TBC1D22A: variants seen among roughly 807,000 people sequenced by gnomAD.
TBC1D22A encodes the protein putative GTPase activator.
In TBC1D22A, 38 loss-of-function variants were observed where a neutral mutation model predicts 60.2. The ratio of observed to expected loss-of-function variants is 0.63; its 90% CI spans 0.49 to 0.83. TBC1D22A has a LOEUF of 0.83. Among genes scored for constraint, TBC1D22A ranks in the 40% least tolerant of loss-of-function variants. The pLI, the probability that TBC1D22A is intolerant of heterozygous loss-of-function variation, is 0.00. For missense variants in TBC1D22A, 628 were observed against 701.0 expected, an observed-to-expected ratio of 0.90 and a Z score of 1.18; for synonymous variants, 302 against 281.7, an observed-to-expected ratio of 1.07 and a Z score of -0.72.
rs762431913 is a variant in TBC1D22A, at chr22:46,912,128, G to A, written c.955G>A (p.Val319Ile). ...WAIRHPASGYVQGINDLVTPF... is the reference protein window; with the variant it reads ...WAIRHPASGYIQGINDLVTPF... ...GATCCGCCACCCAGCCAGTGGATAC[G>A]TTCAGGGTATAAATGATCTCGTCAC... Residue 319 changes from valine to isoleucine, a missense_variant, in exon 8 of 13, where the codon GTT becomes ATT. Val to Ile is a conservative substitution (Grantham distance 29). Coordinates refer to ENST00000337137, the MANE Select transcript of TBC1D22A (RefSeq NM_014346.5). 4.3e-6 allele frequency: 7 copies of A among 1,614,042 alleles called. No individual in the cohort carries two copies. The highest frequency in any genetic ancestry group is 1.7e-5 in the Admixed American group (1 of 60,004).
intron 10 of TBC1D22A, among the ~76,000 whole-genome samples, chr22:47,016,061 C>A (rs948793521): frequency 2.0e-5 from 3 of 152,198 alleles, no homozygotes; most frequent in Non-Finnish European, 4.4e-5. Context: ...GAAGAGTCAG[C>A]AGCATGCACT....
intron 4 of TBC1D22A, among the ~76,000 whole-genome samples, chr22:46,844,558 G>T (rs2086909981): frequency 6.6e-6 from 1 of 152,204 alleles, no homozygotes; most frequent in South Asian, 2.1e-4. Flanking sequence ...AGGAGACTGG[G>T]TATAAGGATG....
intron 12 of TBC1D22A, among the ~76,000 whole-genome samples, chr22:47,166,692 G>T (rs1271260266): frequency 1.3e-5 from 2 of 152,262 alleles, no homozygotes; most frequent in South Asian, 4.1e-4. Context: ...AGGGCTGTGG[G>T]CTGAGTGTCC....
intron 11 of TBC1D22A, among the ~76,000 whole-genome samples, chr22:47,039,444 C>T (rs555048119): frequency 5.3e-5 from 8 of 152,172 alleles, no homozygotes; most frequent in African/African-American, 1.4e-4. Flanking sequence ...TGAGCCATTA[C>T]AGGTTTTAGT....
In TBC1D22A at chr22:46,777,249, C is replaced by T. The variant is rs1050106198; in HGVS notation, c.62+14401C>T. Among the ~76,000 whole-genome samples, 3 of 111,492 alleles carry T rather than the reference C, an allele frequency of 2.7e-5. 1 individual carries two copies. The highest frequency in any genetic ancestry group is 8.5e-5 in the African/African-American group (3 of 35,098). 73.1% of individuals were successfully genotyped at this position (111,492 alleles called of 152,430 possible). A position where few individuals can be genotyped will look rare whatever the true frequency, so the allele number is the denominator to read the frequency against. The stretch of plus-strand genomic sequence containing the variant: ...TAGTGGGACAGAGGGTTTTCGATGC[C>T]AGGACATGGGCCAGTGAGAGCCAGG... On this transcript the variant is annotated intron_variant, in intron 1 of 12. Transcript: ENST00000337137. The surrounding 1 kb of genome is among the most constrained non-coding windows in gnomAD (Gnocchi z 4.5).
intron 9 of TBC1D22A, among the ~76,000 whole-genome samples, chr22:46,976,461 TC>T (rs1203012673): frequency 3.9e-5 from 6 of 152,176 alleles, no homozygotes; most frequent in Admixed American, 1.3e-4. Flanking sequence ...GATAAGGCCG[TC>T]CGAGCAGAGC....
At chr22:46,967,313 A>G (rs937921924) in intron 8 of TBC1D22A, among the ~76,000 whole-genome samples, 1 of 152,222 alleles carries the variant, frequency 6.6e-6, no homozygotes, top group Non-Finnish European at 1.5e-5. Context: ...TTTTTTCTCC[A>G]TCCTGGAACC....
chr22:47,126,551 C>T lies in TBC1D22A; in HGVS notation c.1425+14948C>T, dbSNP rs372456319. 2.6e-5 allele frequency among the ~76,000 whole-genome samples: 4 copies of T among 152,266 alleles called. No homozygotes were observed. In the East Asian group the frequency reaches 7.7e-4, roughly 29 times the overall value. On this transcript the variant is annotated intron_variant, in intron 12 of 12. Transcript: ENST00000337137. ...ATCTGCTCCCTGAGCGCATCTCACTCTAGCAGCTCCAGCACTACACCGCCA... is the reference window on the plus strand; with the variant it reads ...ATCTGCTCCCTGAGCGCATCTCACTTTAGCAGCTCCAGCACTACACCGCCA...
Position 47,022,936 on chromosome 22 carries a change from AT to A in TBC1D22A, c.1202-14134del, listed in dbSNP as rs531742435. On this transcript the variant is annotated intron_variant, in intron 10 of 12. Transcript: ENST00000337137. Reference sequence around the variant, plus strand: ...CAAAGATATTTATAGGAATAAAAAAATATCAGGTTTCCAACAAGATAAAAGT... The same window carrying A: ...CAAAGATATTTATAGGAATAAAAAAAATCAGGTTTCCAACAAGATAAAAGT... 1.7e-3 allele frequency among the ~76,000 whole-genome samples: 262 copies of A among 152,358 alleles called. 1 individual carries two copies. Among genetic ancestry groups the A allele is most frequent in the Non-Finnish European group, 3.0e-3 (202 of 68,034 alleles).
chr22:46,848,527 A>G (rs1249411058), intron 4 of TBC1D22A, among the ~76,000 whole-genome samples: 1 of 152,236 alleles, frequency 6.6e-6, no homozygotes. Flanking sequence ...ACCTGGCGCA[A>G]CAGGGAGTCG....
At chr22:46,936,939 G>A (rs1366642836) in intron 8 of TBC1D22A, among the ~76,000 whole-genome samples, 1 of 152,188 alleles carries the variant, frequency 6.6e-6, no homozygotes, top group African/African-American at 2.4e-5. Flanking sequence ...ATCTCTAAGT[G>A]TACAGCTGTT....
At chr22:46,962,978 C>G (rs1301685238) in intron 8 of TBC1D22A, among the ~76,000 whole-genome samples, 2 of 151,450 alleles carry the variant, frequency 1.3e-5, no homozygotes, top group Non-Finnish European at 2.9e-5. Context: ...CTTTGGGAGG[C>G]TGAGGTTGGT....
intron 4 of TBC1D22A, among the ~76,000 whole-genome samples, chr22:46,849,075 T>C (rs2147267551): frequency 6.6e-6 from 1 of 152,306 alleles, no homozygotes; most frequent in African/African-American, 2.4e-5. Flanking sequence ...CTTAACCCCA[T>C]CTGTCTGGAG....
chr22:47,096,324 C>T (rs866264689), intron 11 of TBC1D22A, among the ~76,000 whole-genome samples: 16 of 152,300 alleles, frequency 1.1e-4, no homozygotes, highest in East Asian at 3.9e-4. Context: ...TGATCCACTG[C>T]GCTGAATGCC....
At chr22:46,824,913 G>A (rs1298187128) in intron 4 of TBC1D22A, among the ~76,000 whole-genome samples, 2 of 152,018 alleles carry the variant, frequency 1.3e-5, no homozygotes, top group Non-Finnish European at 2.9e-5. Flanking sequence ...CAGTCAGGGT[G>A]TCAAGTGGGC....
At chr22:47,148,724 G>A (rs2067382255) in intron 12 of TBC1D22A, among the ~76,000 whole-genome samples, 1 of 148,594 alleles carries the variant, frequency 6.7e-6, no homozygotes, top group African/African-American at 2.5e-5. Context: ...TCCCTCCCCT[G>A]GGTCCTCTCC....
In TBC1D22A at chr22:47,148,196, C is replaced by T. The variant is rs555401266; in HGVS notation, c.1426-25302C>T. ...CACCCCATCGGACAGGTGGGATTCC[C>T]GTGGATAAAGTGCCCCCGGCAGGTG... On this transcript the variant is annotated intron_variant, in intron 12 of 12. Transcript: ENST00000337137. 7.2e-5 allele frequency among the ~76,000 whole-genome samples: 11 copies of T among 152,160 alleles called. No individual in the cohort carries two copies. In the South Asian group the frequency reaches 8.3e-4, roughly 12 times the overall value.
intron 7 of TBC1D22A, among the ~76,000 whole-genome samples, chr22:46,908,069 C>A (rs992660405): frequency 6.6e-6 from 1 of 152,178 alleles, no homozygotes; most frequent in African/African-American, 2.4e-5. Flanking sequence ...ATTGTCTCGT[C>A]AGGGTCTTGG....
intron 4 of TBC1D22A, among the ~76,000 whole-genome samples, chr22:46,856,143 A>G (rs2087558025): frequency 6.6e-6 from 1 of 152,166 alleles, no homozygotes; most frequent in Non-Finnish European, 1.5e-5. Flanking sequence ...AGCCTGGGGT[A>G]CAGCACGTGC....
Sources: gnomAD v4.1 joint callset for allele counts (sites outside exome capture counted in the v4.1 genomes callset) on GRCh38, gnomAD v4.1.1 for gene constraint, Gnocchi (gnomAD v3.1) non-coding constraint, MANE v1.5 for transcripts, NCBI Gene and HGNC (gene_info 2026-07-23, HGNC 2026-07-21) for gene names.